The following AGPS variants were observed in gnomAD, a reference collection of about 807,000 sequenced individuals.
AGPS encodes alkyldihydroxyacetonephosphate synthase, peroxisomal.
AGPS carries 26 observed loss-of-function variants against 90.7 expected under a neutral mutation model. The ratio of observed to expected loss-of-function variants is 0.29; its 90% CI spans 0.21 to 0.40. The LOEUF (loss-of-function observed/expected upper bound fraction) is 0.40, where lower values mean the gene tolerates loss of function less well. Among genes scored for constraint, AGPS ranks in the 10% least tolerant of loss-of-function variants. AGPS has a pLI of 1.00. For missense variants in AGPS, 540 were observed against 816.1 expected, an observed-to-expected ratio of 0.66 and a Z score of 4.12; for synonymous variants, 294 against 285.3, an observed-to-expected ratio of 1.03 and a Z score of -0.31.
intron 10 of AGPS, among the ~76,000 whole-genome samples, chr2:177,475,684 A>G (rs1288856292): frequency 6.6e-6 from 1 of 152,070 alleles, no homozygotes; most frequent in Non-Finnish European, 1.5e-5. Flanking sequence ...CATATTCTAC[A>G]TTTTGTTACT....
rs1273076469 is a variant in AGPS, at chr2:177,540,038, T to TATAC, written c.*1846_*1847insCATA. ...ACTAATGTCTCACTGGAAGTATATATATATATATATATATATGTATGCATG... is the reference window on the plus strand; with the variant it reads ...ACTAATGTCTCACTGGAAGTATATATATACATATATATATATATATGTATGCATG... On this transcript the variant is annotated 3_prime_UTR_variant, in exon 20 of 20. Coordinates refer to ENST00000264167, the MANE Select transcript of AGPS (RefSeq NM_003659.4). The TATAC allele has an allele frequency of 5.1e-5, 6 of 118,038 alleles. No homozygotes were observed. The highest frequency in any genetic ancestry group is 2.0e-4 in the African/African-American group (6 of 30,338). The allele number at this position is 118,038 out of a possible 1,614,324, so 7.3% of individuals were successfully genotyped here. A position where few individuals can be genotyped will look rare whatever the true frequency, so the allele number is the denominator to read the frequency against.
chr2:177,466,127 G>A (rs1319949444), intron 9 of AGPS, among the ~76,000 whole-genome samples: 2 of 152,166 alleles, frequency 1.3e-5, no homozygotes, highest in African/African-American at 4.8e-5. Flanking sequence ...CCTCTCCACA[G>A]GCAGGGCATC....
At chr2:177,533,335 GCTGA>G (rs2079154525) in intron 19 of AGPS, among the ~76,000 whole-genome samples, 1 of 152,152 alleles carries the variant, frequency 6.6e-6, no homozygotes, top group South Asian at 2.1e-4. Flanking sequence ...AGATTTGAGA[GCTGA>G]CAGAAAAATC....
chr2:177,434,997 G>GTATA (rs1553509324), intron 3 of AGPS, among the ~76,000 whole-genome samples: 13,017 of 127,830 alleles, frequency 0.1, 756 homozygotes, highest in East Asian at 0.18. Context: ...TAAACTGTAG[G>GTATA]TATATATATA....
At chr2:177,522,661 C>T (rs555364616) in intron 18 of AGPS, among the ~76,000 whole-genome samples, 6 of 152,186 alleles carry the variant, frequency 3.9e-5, no homozygotes, top group African/African-American at 9.6e-5. Context: ...CACCAGTTGG[C>T]CAGGCTGGTC....
chr2:177,491,810 A>G (rs1688273407), intron 11 of AGPS, among the ~76,000 whole-genome samples: 1 of 111,366 alleles, frequency 9.0e-6, no homozygotes, highest in Non-Finnish European at 1.7e-5. Context: ...TTTTGAGACA[A>G]GGTCTTGCAC....
At chr2:177,473,099 A>G (rs1198915071) in intron 10 of AGPS, among the ~76,000 whole-genome samples, 1 of 152,184 alleles carries the variant, frequency 6.6e-6, no homozygotes, top group Admixed American at 6.5e-5. Flanking sequence ...TTATAAGCTT[A>G]TAGCAGCTGG....
At chr2:177,444,362 A>T (rs1189820686) in intron 7 of AGPS, among the ~76,000 whole-genome samples, 1 of 149,924 alleles carries the variant, frequency 6.7e-6, no homozygotes, top group Non-Finnish European at 1.5e-5. Flanking sequence ...CAGAGGTTGC[A>T]GTGAGCCAAG....
intron 1 of AGPS, among the ~76,000 whole-genome samples, chr2:177,396,589 G>T (rs191064392): frequency 6.6e-6 from 1 of 152,142 alleles, no homozygotes; most frequent in African/African-American, 2.4e-5. Flanking sequence ...ATTGGAGAAC[G>T]GTAAGGATGG....
At chr2:177,517,523 G>A (rs773705764) in intron 17 of AGPS, among the ~76,000 whole-genome samples, 1 of 152,018 alleles carries the variant, frequency 6.6e-6, no homozygotes, top group Non-Finnish European at 1.5e-5. Flanking sequence ...AAACTTAACT[G>A]ATCACCACGT....
At position 177,430,393 on chromosome 2, in the gene AGPS, G is replaced by T. The variant is rs148328732; in HGVS notation, c.351-3934G>T. On this transcript the variant is annotated intron_variant, in intron 2 of 19. Transcript: ENST00000264167. Reference sequence around the variant, plus strand: ...CTTCCACCTTGCTGGGATTCCTAGGGTGGAGTCTGTAAAACTCCTGGGTTA... The same window carrying T: ...CTTCCACCTTGCTGGGATTCCTAGGTTGGAGTCTGTAAAACTCCTGGGTTA... 3.1e-3 allele frequency among the ~76,000 whole-genome samples: 465 copies of T among 152,316 alleles called. 3 individuals carry two copies. Among genetic ancestry groups the T allele is most frequent in the African/African-American group, 0.011 (449 of 41,572 alleles).
chr2:177,497,729 A>AT lies in AGPS; in HGVS notation c.1331dup (p.Leu444PhefsTer13). The AT allele has an allele frequency of 6.3e-7, 1 of 1,585,366 alleles. No homozygotes were observed. Among genetic ancestry groups the AT allele is most frequent in the Non-Finnish European group, 8.6e-7 (1 of 1,159,154 alleles). On this transcript the variant is annotated frameshift_variant, in exon 13 of 20. Coordinates refer to ENST00000264167, the MANE Select transcript of AGPS (RefSeq NM_003659.4). LOFTEE classifies it high-confidence loss of function. ...CTCAGGTTTCCTCTATTTTTACATC[A>AT]TTTTTGGACGGATTAAAAAAGTTTT...
chr2:177,486,696 A>G (rs1688101235), intron 11 of AGPS, among the ~76,000 whole-genome samples: 1 of 58,174 alleles, frequency 1.7e-5, no homozygotes, highest in South Asian at 6.2e-4. Flanking sequence ...GGGAAAGAAC[A>G]TACATGACTG....
intron 11 of AGPS, among the ~76,000 whole-genome samples, chr2:177,487,864 A>T (rs987967463): frequency 2.0e-5 from 3 of 152,204 alleles, no homozygotes; most frequent in African/African-American, 7.2e-5. Context: ...CTGAAAAACT[A>T]TAAAGTTATA....
intron 6 of AGPS, among the ~76,000 whole-genome samples, chr2:177,441,796 T>A (rs1686610677): frequency 6.6e-6 from 1 of 152,224 alleles, no homozygotes; most frequent in Admixed American, 6.5e-5. Flanking sequence ...AAGGCATTTT[T>A]CCTTTGACAG....
chr2:177,402,826 G>T (rs1685367035), intron 1 of AGPS, among the ~76,000 whole-genome samples: 1 of 152,202 alleles, frequency 6.6e-6, no homozygotes, highest in African/African-American at 2.4e-5. Flanking sequence ...GGAGGCTGAG[G>T]CGGGTGGATT....
chr2:177,423,416 T>C (rs1685989554), intron 2 of AGPS, among the ~76,000 whole-genome samples: 1 of 152,222 alleles, frequency 6.6e-6, no homozygotes, highest in Non-Finnish European at 1.5e-5. Flanking sequence ...GTAGAGACTT[T>C]CTATTCTGGC....
rs559148484 is a variant in AGPS, at chr2:177,499,896, GTAAACT to G, written c.1475+171_1475+176del. Among the ~76,000 whole-genome samples, 473 of 152,006 alleles carry G rather than the reference GTAAACT, an allele frequency of 3.1e-3. 3 individuals are homozygous for G. The highest frequency in any genetic ancestry group is 5.6e-3 in the Non-Finnish European group (383 of 67,816). ...GTTAAATTTGTGGTAATTTATGATA[GTAAACT>G]TAAAATATTGTTTTGGTTTACATCC... On this transcript the variant is annotated intron_variant, in intron 14 of 19. Transcript: ENST00000264167.
At chr2:177,412,547 G>C (rs544454800) in intron 1 of AGPS, among the ~76,000 whole-genome samples, 1 of 152,180 alleles carries the variant, frequency 6.6e-6, no homozygotes, top group South Asian at 2.1e-4. Context: ...TTAACTGGCC[G>C]ACAAGCACCC....
Sources: allele counts gnomAD v4.1 joint callset (sites outside exome capture counted in the v4.1 genomes callset), GRCh38; gene constraint gnomAD v4.1.1; transcripts MANE v1.5; gene names NCBI Gene and HGNC (gene_info 2026-07-23, HGNC 2026-07-21).